The following PTCHD4 variants were observed in gnomAD, a reference collection of about 807,000 sequenced individuals.
The protein encoded by PTCHD4 is patched domain-containing protein 4.
Under a neutral mutation model 58.1 loss-of-function variants are expected in PTCHD4, and 33 were observed. The ratio of observed to expected loss-of-function variants is 0.57; its 90% CI spans 0.43 to 0.76. The LOEUF (loss-of-function observed/expected upper bound fraction) is 0.76. Ranked by LOEUF, PTCHD4 falls within the 30% of genes least tolerant of loss-of-function variation. The probability of loss-of-function intolerance (pLI) is 0.00; values close to 1 mark genes in which losing one functional copy is unlikely to be tolerated. For missense variants in PTCHD4, 1,058 were observed against 1,027.1 expected (o/e 1.03, Z -0.41); for synonymous variants, 478 against 409.6 (o/e 1.17, Z -2.02).
intron 1 of PTCHD4, among the ~76,000 whole-genome samples, chr6:48,097,337 C>T (rs936721151): frequency 6.6e-6 from 1 of 152,096 alleles, no homozygotes; most frequent in African/African-American, 2.4e-5. Flanking sequence ...AGTTTTATGT[C>T]ACTTAGTTTA....
intron 3 of PTCHD4, among the ~76,000 whole-genome samples, chr6:48,040,559 G>A (rs1433979361): frequency 1.3e-5 from 2 of 152,036 alleles, no homozygotes; most frequent in Non-Finnish European, 2.9e-5. Context: ...AGGCCAAAAG[G>A]GTGGTTCTAT....
chr6:47,898,464 C>A (rs1010183000), intron 4 of PTCHD4, among the ~76,000 whole-genome samples: 1 of 152,182 alleles, frequency 6.6e-6, no homozygotes, highest in Non-Finnish European at 1.5e-5. Context: ...TAAACATATA[C>A]TGTGTTTAGG....
In PTCHD4 at chr6:48,069,279, G is replaced by A. The variant is rs745572149; in HGVS notation, c.-322C>T. On this transcript the variant is annotated 5_prime_UTR_variant, in exon 2 of 5. Transcript: ENST00000339488. The stretch of plus-strand genomic sequence containing the variant: ...TTGTGTTCCCTCTTCCCTCCCCGCT[G>A]GAGTGAATTGAAGAGGAAATAAATG... Among the ~76,000 whole-genome samples the A allele has an allele frequency of 7.2e-5, 11 of 152,056 alleles. No homozygotes were observed. Among genetic ancestry groups the A allele is most frequent in the African/African-American group, 2.7e-4 (11 of 41,416 alleles).
At chr6:47,913,310 A>G (rs1018320346) in intron 4 of PTCHD4, among the ~76,000 whole-genome samples, 1 of 152,100 alleles carries the variant, frequency 6.6e-6, no homozygotes, top group Non-Finnish European at 1.5e-5. Context: ...GCGAAATATC[A>G]CTTTGCACAC....
intron 4 of PTCHD4, among the ~76,000 whole-genome samples, chr6:47,999,057 G>T (rs1768612682): frequency 6.6e-6 from 1 of 152,148 alleles, no homozygotes; most frequent in East Asian, 1.9e-4. Context: ...AGGAGACACA[G>T]TTCTATCCCC....
chr6:48,074,920 T>C (rs1020311274), intron 1 of PTCHD4, among the ~76,000 whole-genome samples: 1 of 152,180 alleles, frequency 6.6e-6, no homozygotes, highest in Non-Finnish European at 1.5e-5. Flanking sequence ...GGAAGCCCAA[T>C]AATATCTGAT....
intron 4 of PTCHD4, among the ~76,000 whole-genome samples, chr6:47,970,588 G>A (rs1364975078): frequency 6.6e-6 from 1 of 152,154 alleles, no homozygotes; most frequent in African/African-American, 2.4e-5. Flanking sequence ...CTAGAGACCT[G>A]TGATTTGCAG....
chr6:47,978,086 A>T (rs970838112), intron 4 of PTCHD4, among the ~76,000 whole-genome samples: 1 of 149,732 alleles, frequency 6.7e-6, no homozygotes, highest in African/African-American at 2.5e-5. Context: ...CTGCTTCCCT[A>T]CTCCTCTCCC....
At chr6:48,024,686 A>G (rs1763182204) in intron 3 of PTCHD4, among the ~76,000 whole-genome samples, 1 of 152,092 alleles carries the variant, frequency 6.6e-6, no homozygotes, top group Admixed American at 6.6e-5. Flanking sequence ...CACAAAACAG[A>G]TGGGGCTTCT....
At chr6:47,945,611 C>A (rs1766386548) in intron 4 of PTCHD4, among the ~76,000 whole-genome samples, 1 of 151,798 alleles carries the variant, frequency 6.6e-6, no homozygotes, top group African/African-American at 2.4e-5. Context: ...TTCTTTTGTG[C>A]AAAAGATATT....
rs1215213475 is a variant in PTCHD4, at chr6:47,877,085, A to G, written c.*1218T>C. 6.6e-6 allele frequency among the ~76,000 whole-genome samples: 1 copy of G among 152,044 alleles called. No homozygotes were observed. The highest frequency in any genetic ancestry group is 1.5e-5 in the Non-Finnish European group (1 of 67,978). ...TGTTCCAAATACTAATGCAAGGAAT[A>G]CACTAGAGTTTATAGGATTAGAATA... On this transcript the variant is annotated 3_prime_UTR_variant, in exon 5 of 5. Transcript: ENST00000339488.
chr6:47,992,701 A>G (rs912298081), intron 4 of PTCHD4, among the ~76,000 whole-genome samples: 2 of 152,176 alleles, frequency 1.3e-5, no homozygotes, highest in South Asian at 2.1e-4. Context: ...TTATGTACAC[A>G]CTTTTTATTA....
chr6:48,035,469 ATG>A (rs1763599962), intron 3 of PTCHD4, among the ~76,000 whole-genome samples: 1 of 152,144 alleles, frequency 6.6e-6, no homozygotes, highest in Non-Finnish European at 1.5e-5. Context: ...TTAAAAAATT[ATG>A]AATCAGAAAA....
intron 3 of PTCHD4, among the ~76,000 whole-genome samples, chr6:48,067,558 T>C (rs931092356): frequency 1.3e-5 from 2 of 152,132 alleles, no homozygotes; most frequent in Admixed American, 1.3e-4. Flanking sequence ...CATTCATAAC[T>C]CACTGCTTTC....
intron 4 of PTCHD4, among the ~76,000 whole-genome samples, chr6:47,954,059 TAAG>T (rs2113953163): frequency 6.6e-6 from 1 of 152,260 alleles, no homozygotes; most frequent in Admixed American, 6.5e-5. Flanking sequence ...TAGAATTGCT[TAAG>T]AAGGACATAA....
In PTCHD4 at chr6:48,068,801, A is replaced by G. The variant is rs546599372; in HGVS notation, c.5+152T>C. 7.8e-6 allele frequency: 5 copies of G among 639,994 alleles called. No individual in the cohort carries two copies. The highest frequency in any genetic ancestry group is 2.0e-5 in the South Asian group (1 of 50,436). 39.6% of individuals were successfully genotyped at this position (639,994 alleles called of 1,614,324 possible). ...CTGGTCTTTCCCCGGCCCCACCTCCATGCGCTCCTACTACTCTTTCAAACA... is the reference window on the plus strand; with the variant it reads ...CTGGTCTTTCCCCGGCCCCACCTCCGTGCGCTCCTACTACTCTTTCAAACA... On this transcript the variant is annotated intron_variant, in intron 2 of 4. Coordinates refer to ENST00000339488, the MANE Select transcript of PTCHD4 (RefSeq NM_001384253.1). This position sits in a 1 kb window ranked among gnomAD's most constrained non-coding sequence, Gnocchi z 4.2.
intron 3 of PTCHD4, among the ~76,000 whole-genome samples, chr6:48,044,285 A>C (rs1026352454): frequency 6.6e-6 from 1 of 151,856 alleles, no homozygotes; most frequent in African/African-American, 2.4e-5. Context: ...CATTCTTTTC[A>C]TCCAGTCTTT....
chr6:47,953,915 C>T (rs1374995518), intron 4 of PTCHD4, among the ~76,000 whole-genome samples: 1 of 152,112 alleles, frequency 6.6e-6, no homozygotes, highest in African/African-American at 2.4e-5. Context: ...TTTCCTGTGG[C>T]AAATAGTTAC....
intron 1 of PTCHD4, among the ~76,000 whole-genome samples, chr6:48,080,877 G>A (rs916296676): frequency 1.3e-5 from 2 of 152,092 alleles, no homozygotes; most frequent in African/African-American, 4.8e-5. Flanking sequence ...AGCTCTCCCG[G>A]TATTAATGGA....
Sources: allele counts gnomAD v4.1 joint callset (sites outside exome capture counted in the v4.1 genomes callset), GRCh38; gene constraint gnomAD v4.1.1; non-coding constraint Gnocchi (gnomAD v3.1); transcripts MANE v1.5; gene names NCBI Gene and HGNC (gene_info 2026-07-23, HGNC 2026-07-21).